The following BICD2 variants were observed in gnomAD, a reference collection of about 807,000 sequenced individuals.
The protein encoded by BICD2 is BICD cargo adaptor 2.
In BICD2, 25 loss-of-function variants were observed where a neutral mutation model predicts 72.9. That is an observed-to-expected ratio of 0.34 (90% CI 0.25 to 0.48). BICD2 has a LOEUF of 0.48. BICD2 is among the 20% of genes least tolerant of loss of function. The pLI is 0.99. For synonymous variants in BICD2, 501 were observed against 516.1 expected (o/e 0.97, Z 0.40); for missense variants, 894 against 1,175.2 (o/e 0.76, Z 3.50).
At chr9:92,756,041 G>T (rs1854248231) in intron 1 of BICD2, among the ~76,000 whole-genome samples, 2 of 152,180 alleles carry the variant, frequency 1.3e-5, no homozygotes, top group South Asian at 4.1e-4. Flanking sequence ...TCCTCACTAT[G>T]ACCTCAGCAC....
chr9:92,725,067 A>G (rs1377146994), intron 2 of BICD2, among the ~76,000 whole-genome samples: 2 of 152,194 alleles, frequency 1.3e-5, no homozygotes, highest in African/African-American at 4.8e-5. Context: ...AGAGCCCAGA[A>G]GCTTCCATGT....
chr9:92,752,120 G>A (rs1587688971), intron 1 of BICD2, among the ~76,000 whole-genome samples: 3 of 152,202 alleles, frequency 2.0e-5, no homozygotes, highest in African/African-American at 7.2e-5. Context: ...CTAACTGCAT[G>A]TTCAAAACAA....
chr9:92,761,760 T>C (rs1854376613), intron 1 of BICD2, among the ~76,000 whole-genome samples: 2 of 152,154 alleles, frequency 1.3e-5, no homozygotes. Context: ...TTCCCCACCA[T>C]TCCAGGGAGA....
intron 1 of BICD2, among the ~76,000 whole-genome samples, chr9:92,742,180 T>C (rs1264310185): frequency 1.3e-5 from 2 of 152,174 alleles, no homozygotes; most frequent in African/African-American, 4.8e-5. Flanking sequence ...GCCTCAAATC[T>C]TCTGGGGATT....
chr9:92,719,522 G>C lies in BICD2; in HGVS notation c.1123C>G (p.His375Asp). 38 of 1,613,218 alleles carry C rather than the reference G, an allele frequency of 2.4e-5. No homozygotes were observed. Among genetic ancestry groups the C allele is most frequent in the Non-Finnish European group, 3.1e-5 (37 of 1,179,958 alleles). Reference sequence around the variant, plus strand: ...TGTTCTGACAGGGAGCCCCGCGTGTGCTCCAGCTGCTTCTGTGTGTCCTGC... The same window carrying C: ...TGTTCTGACAGGGAGCCCCGCGTGTCCTCCAGCTGCTTCTGTGTGTCCTGC... ...TLQDTQKQLEHTRGSLSEQQE... is the reference protein window; with the variant it reads ...TLQDTQKQLEDTRGSLSEQQE... The change falls in exon 5 of 7, where the codon CAC (histidine) becomes GAC (aspartate). Residue 375 changes from histidine (H) to aspartate (D), a missense_variant. Transcript: ENST00000356884.
chr9:92,742,694 T>A (rs1367930395), intron 1 of BICD2, among the ~76,000 whole-genome samples: 1 of 151,854 alleles, frequency 6.6e-6, no homozygotes, highest in African/African-American at 2.4e-5. Context: ...AATTCCACAT[T>A]TCTATCACCC....
chr9:92,744,822 C>T (rs1017709037), intron 1 of BICD2, among the ~76,000 whole-genome samples: 1 of 151,112 alleles, frequency 6.6e-6, no homozygotes, highest in Non-Finnish European at 1.5e-5. Flanking sequence ...GCCTGGATGA[C>T]AGAGCGAGAC....
chr9:92,747,032 GCT>G (rs1323986006), intron 1 of BICD2, among the ~76,000 whole-genome samples: 6 of 152,226 alleles, frequency 3.9e-5, no homozygotes, highest in Admixed American at 3.9e-4. Flanking sequence ...ATGGGGCTCA[GCT>G]CTGTCTCACA....
chr9:92,737,999 C>T (rs750827151), intron 1 of BICD2, among the ~76,000 whole-genome samples: 18 of 152,222 alleles, frequency 1.2e-4, no homozygotes, highest in Non-Finnish European at 2.2e-4. Flanking sequence ...CCTCCTGCTT[C>T]GCCGAGGTGC....
At chr9:92,756,849 AGAGT>A (rs1363523929) in intron 1 of BICD2, among the ~76,000 whole-genome samples, 1 of 150,228 alleles carries the variant, frequency 6.7e-6, no homozygotes, top group Non-Finnish European at 1.5e-5. Context: ...CCTGGGCAAC[AGAGT>A]GAGACTCCGT....
rs1265545538 is a variant in BICD2 at position 92,720,558 on chromosome 9, A to G, written c.804T>C (p.Asn268=). 6.2e-7 allele frequency: 1 copy of G among 1,614,048 alleles called. No individual in the cohort carries two copies. Among genetic ancestry groups the G allele is most frequent in the Non-Finnish European group, 8.5e-7 (1 of 1,180,044 alleles). Residue 268 remains asparagine, a synonymous_variant, in exon 4 of 7, where the codon AAT becomes AAC. Transcript: ENST00000356884. The surrounding 1 kb of genome is among the most constrained non-coding windows in gnomAD (Gnocchi z 5.4). Reference sequence around the variant, plus strand: ...GCAGGTGGCTGGTGTAGAAGGAGTCATTGATGCTCATGTAGTGTGACAGCT... The same window carrying G: ...GCAGGTGGCTGGTGTAGAAGGAGTCGTTGATGCTCATGTAGTGTGACAGCT... ...RKELSHYMSI[N]DSFYTSHLHV... is the part of the protein sequence containing the mutation.
chr9:92,714,989 C>T lies in BICD2; in HGVS notation c.*165G>A, dbSNP rs1190371898. 1 of 1,411,336 alleles carries T rather than the reference C, an allele frequency of 7.1e-7. No homozygotes were observed. The highest frequency in any genetic ancestry group is 2.6e-5 in the East Asian group (1 of 38,000). The allele number at this position is 1,411,336 out of a possible 1,614,324, so 87.4% of individuals were successfully genotyped here. Reference sequence around the variant, plus strand: ...TTGAGGAGTGAGAAGCGACACAAAGCTCTCACAAGTGTCCTGCTGATGCAA... The same window carrying T: ...TTGAGGAGTGAGAAGCGACACAAAGTTCTCACAAGTGTCCTGCTGATGCAA... On this transcript the variant is annotated 3_prime_UTR_variant, in exon 7 of 7. Coordinates refer to ENST00000356884, the MANE Select transcript of BICD2 (RefSeq NM_001003800.2).
At position 92,719,211 on chromosome 9, in the gene BICD2, G is replaced by A. The variant is rs765535676; in HGVS notation, c.1434C>T (p.Gly478=). 4.2e-5 allele frequency: 67 copies of A among 1,610,916 alleles called. No individual in the cohort carries two copies. In the South Asian group the frequency reaches 6.9e-4, roughly 17 times the overall value. ...AEEKGRYEAE[G]QALTEKVSLL... ...GGGAGACCTTCTCCGTGAGTGCCTG[G>A]CCCTCAGCCTCATAGCGGCCCTTCT... Residue 478 remains glycine (G), a synonymous_variant, in exon 5 of 7, where the codon GGC becomes GGT. Transcript: ENST00000356884.
chr9:92,744,116 C>T (rs1195261261), intron 1 of BICD2, among the ~76,000 whole-genome samples: 1 of 152,194 alleles, frequency 6.6e-6, no homozygotes, highest in Non-Finnish European at 1.5e-5. Context: ...CATGAGCGTT[C>T]TAACAGCTCC....
In BICD2 at chr9:92,713,716, A is replaced by C; in HGVS notation, c.*1438T>G. 7.3e-7 allele frequency: 1 copy of C among 1,375,800 alleles called. No homozygotes were observed. Among genetic ancestry groups the C allele is most frequent in the South Asian group, 1.6e-5 (1 of 64,196 alleles). The allele number at this position is 1,375,800 out of a possible 1,614,324, so 85.2% of individuals were successfully genotyped here. A position where few individuals can be genotyped will look rare whatever the true frequency, so the allele number is the denominator to read the frequency against. On this transcript the variant is annotated 3_prime_UTR_variant, in exon 7 of 7. Coordinates refer to ENST00000356884, the MANE Select transcript of BICD2 (RefSeq NM_001003800.2). ...GGGTGGGCATGCCAGCAGCCATCCC[A>C]CTGCGAGTCTTGCTGGGGCAGGGGG...
chr9:92,744,711 C>T (rs551637701), intron 1 of BICD2, among the ~76,000 whole-genome samples: 2 of 152,038 alleles, frequency 1.3e-5, no homozygotes, highest in South Asian at 2.1e-4. Flanking sequence ...TGTGGTGGCA[C>T]GCGCCTGTAG....
intron 1 of BICD2, among the ~76,000 whole-genome samples, chr9:92,745,400 G>A (rs1350163441): frequency 6.6e-6 from 1 of 152,002 alleles, no homozygotes. Flanking sequence ...GAGGCAGTGC[G>A]GTGAGGGGAG....
At chr9:92,731,132 C>T (rs116234535) in intron 1 of BICD2, among the ~76,000 whole-genome samples, 359 of 152,350 alleles carry the variant, frequency 2.4e-3, no homozygotes, top group African/African-American at 8.4e-3. Context: ...CGGCTGCAGG[C>T]GGCATGGGCA....
chr9:92,719,327 G>C lies in BICD2; in HGVS notation c.1318C>G (p.His440Asp). 6.2e-7 allele frequency: 1 copy of C among 1,614,178 alleles called. No individual in the cohort carries two copies. The highest frequency in any genetic ancestry group is 1.7e-5 in the Admixed American group (1 of 60,032). The change falls in exon 5 of 7, where the codon CAT becomes GAT. Residue 440 changes from histidine to aspartate, a missense_variant. His to Asp is a moderately conservative substitution (Grantham distance 81, BLOSUM62 -1). This residue lies in a region of BICD2 where 371 missense variants were observed against 439.1 expected (regional missense o/e 0.84). Coordinates refer to ENST00000356884, the MANE Select transcript of BICD2 (RefSeq NM_001003800.2). ...TCGCCAGCCTCAGCCACAGCCACAT[G>C]GTACTTGCAGGCCAAGATCTCAGGC... ...NGPEILACKY[H>D]VAVAEAGELR...
Sources: allele counts gnomAD v4.1 joint callset (sites outside exome capture counted in the v4.1 genomes callset), GRCh38; gene constraint gnomAD v4.1.1; regional missense constraint gnomAD v4.1.1; non-coding constraint Gnocchi (gnomAD v3.1); transcripts MANE v1.5; gene names NCBI Gene and HGNC (gene_info 2026-07-23, HGNC 2026-07-21).